Variants in TAFA2 observed in about 807,000 individuals in gnomAD.
The protein encoded by TAFA2 is TAFA chemokine like family member 2.
TAFA2 carries 7 observed loss-of-function variants against 18.8 expected under a neutral mutation model. The ratio of observed to expected loss-of-function variants is 0.37; its 90% CI spans 0.21 to 0.70. The LOEUF is 0.70. TAFA2 is among the 30% of genes least tolerant of loss of function. TAFA2 has a pLI of 0.53. For synonymous variants in TAFA2, 60 were observed against 54.2 expected (o/e 1.11, Z -0.47); for missense variants, 122 against 158.1 (o/e 0.77, Z 1.23).
At chr12:61,850,103 T>C (rs1310761262) in intron 2 of TAFA2, among the ~76,000 whole-genome samples, 1 of 152,090 alleles carries the variant, frequency 6.6e-6, no homozygotes, top group East Asian at 1.9e-4. Context: ...AATCTTACTC[T>C]GTATAAATCA....
In TAFA2 at chr12:62,169,460, G is replaced by A. The variant is rs182199143; in HGVS notation, c.-2+21799C>T. Among the ~76,000 whole-genome samples, 497 of 152,180 alleles carry A rather than the reference G, an allele frequency of 3.3e-3. 3 individuals carry two copies. Among genetic ancestry groups the A allele is most frequent in the African/African-American group, 0.011 (470 of 41,502 alleles). ...GCAGGGTTTTCTGTGCCTTAAATAC[G>A]TATTTAGTAAAAATTTTGTAAGTGT... On this transcript the variant is annotated intron_variant, in intron 1 of 4. Coordinates refer to ENST00000416284, the MANE Select transcript of TAFA2 (RefSeq NM_178539.5).
In TAFA2 at chr12:61,955,615, AAAAAAAAAAAAAAAAAAATATAT is replaced by A. The variant is rs1399280708; in HGVS notation, c.-1-88212_-1-88190del. ...GACTCCATCTCAAAAAAAAAAAAAA[AAAAAAAAAAAAAAAAAAATATAT>A]ATATATATATATATATATATATATA... On this transcript the variant is annotated intron_variant, in intron 1 of 4. Transcript: ENST00000416284. 6.4e-3 allele frequency among the ~76,000 whole-genome samples: 192 copies of A among 30,138 alleles called. 6 individuals carry two copies. The highest frequency in any genetic ancestry group is 0.015 in the African/African-American group (186 of 12,390). 19.8% of individuals were successfully genotyped at this position (30,138 alleles called of 152,430 possible).
chr12:61,723,836 TA>T (rs1307043656), intron 4 of TAFA2, among the ~76,000 whole-genome samples: 2 of 151,834 alleles, frequency 1.3e-5, no homozygotes, highest in Non-Finnish European at 1.5e-5. Flanking sequence ...AGCTATCCCT[TA>T]AAAAAATACA....
At chr12:61,939,139 A>C (rs1033596246) in intron 1 of TAFA2, among the ~76,000 whole-genome samples, 5 of 152,212 alleles carry the variant, frequency 3.3e-5, no homozygotes, top group Admixed American at 3.3e-4. Context: ...TTAAACTGCC[A>C]AAGAATAGTA....
intron 1 of TAFA2, among the ~76,000 whole-genome samples, chr12:62,003,343 G>A (rs990839093): frequency 6.6e-6 from 1 of 152,034 alleles, no homozygotes; most frequent in South Asian, 2.1e-4. Flanking sequence ...ATTCTCATCT[G>A]CTAACTCAAT....
At chr12:62,229,523 AT>A (rs1449512383) in intron 1 of TAFA2, among the ~76,000 whole-genome samples, 1 of 151,908 alleles carries the variant, frequency 6.6e-6, no homozygotes, top group East Asian at 1.9e-4. Flanking sequence ...ATTTTTATTG[AT>A]TTGCATATGT....
chr12:62,031,591 T>A (rs886545216), intron 1 of TAFA2, among the ~76,000 whole-genome samples: 1 of 152,098 alleles, frequency 6.6e-6, no homozygotes, highest in African/African-American at 2.4e-5. Flanking sequence ...AGTTGTCTGT[T>A]TTAGGGTGTA....
chr12:61,763,517 G>A (rs1465326196), intron 2 of TAFA2, among the ~76,000 whole-genome samples: 1 of 151,902 alleles, frequency 6.6e-6, no homozygotes, highest in African/African-American at 2.4e-5. Context: ...TAAGAAAGGT[G>A]TATCTAAAGG....
intron 1 of TAFA2, among the ~76,000 whole-genome samples, chr12:62,211,336 T>G (rs1350820078): frequency 6.6e-6 from 1 of 152,118 alleles, no homozygotes; most frequent in African/African-American, 2.4e-5. Flanking sequence ...TCCCAGCACT[T>G]TGGCAGGCCA....
chr12:62,062,152 T>C (rs534282571), intron 1 of TAFA2, among the ~76,000 whole-genome samples: 1 of 152,168 alleles, frequency 6.6e-6, no homozygotes, highest in East Asian at 1.9e-4. Context: ...CCAGCCTGGA[T>C]GACAGAGCAA....
At chr12:61,927,996 A>C (rs1877380978) in intron 1 of TAFA2, among the ~76,000 whole-genome samples, 1 of 152,234 alleles carries the variant, frequency 6.6e-6, no homozygotes, top group Non-Finnish European at 1.5e-5. Flanking sequence ...CTTATACCTT[A>C]TACAAAAATT....
chr12:62,019,534 G>A (rs1012852932), intron 1 of TAFA2, among the ~76,000 whole-genome samples: 13 of 152,080 alleles, frequency 8.5e-5, no homozygotes, highest in African/African-American at 2.9e-4. Flanking sequence ...CATAGATGAA[G>A]CTGGAAACCA....
chr12:61,741,372 T>C (rs191347656), intron 4 of TAFA2, among the ~76,000 whole-genome samples: 1 of 152,022 alleles, frequency 6.6e-6, no homozygotes, highest in Admixed American at 6.6e-5. Flanking sequence ...CACATATATA[T>C]GTGTATGAAG....
Position 62,138,402 on chromosome 12 carries a change from T to A in TAFA2, c.-2+52857A>T, listed in dbSNP as rs2062215115. On this transcript the variant is annotated intron_variant, in intron 1 of 4. Transcript: ENST00000416284. Reference sequence around the variant, plus strand: ...TCATTTGATATACCTTTAATAGCACTCATATGCTTATGTTCTCCTTCTTGC... The same window carrying A: ...TCATTTGATATACCTTTAATAGCACACATATGCTTATGTTCTCCTTCTTGC... Among the ~76,000 whole-genome samples the A allele has an allele frequency of 1.3e-5, 2 of 152,226 alleles. 1 individual carries two copies. The highest frequency in any genetic ancestry group is 4.1e-4 in the South Asian group (2 of 4,830).
intron 1 of TAFA2, among the ~76,000 whole-genome samples, chr12:62,046,508 T>G (rs961990275): frequency 6.6e-6 from 1 of 152,168 alleles, no homozygotes; most frequent in African/African-American, 2.4e-5. Context: ...TATTATTATG[T>G]CACTGATAAA....
At chr12:61,765,280 A>G (rs925774761) in intron 2 of TAFA2, among the ~76,000 whole-genome samples, 1 of 152,064 alleles carries the variant, frequency 6.6e-6, no homozygotes, top group African/African-American at 2.4e-5. Flanking sequence ...TTGCAGAGCT[A>G]CCATAAACCT....
chr12:61,969,721 C>A (rs1040758412), intron 1 of TAFA2, among the ~76,000 whole-genome samples: 2 of 151,510 alleles, frequency 1.3e-5, no homozygotes, highest in Non-Finnish European at 3.0e-5. Flanking sequence ...TATAATAATA[C>A]AAAAGAAGGA....
chr12:62,006,313 C>T (rs1880548020), intron 1 of TAFA2, among the ~76,000 whole-genome samples: 1 of 152,086 alleles, frequency 6.6e-6, no homozygotes, highest in Non-Finnish European at 1.5e-5. Flanking sequence ...GGTTGTGAAG[C>T]GTGCCCTCTG....
chr12:61,755,135 G>A (rs991021366), intron 2 of TAFA2, 111 bp from the exon 3 acceptor site: 1 of 915,352 alleles, frequency 1.1e-6, no homozygotes, highest in Non-Finnish European at 1.6e-6. Flanking sequence ...GGTCCACCAG[G>A]CATGAAACGA....
Sources: gnomAD v4.1 joint callset for allele counts (sites outside exome capture counted in the v4.1 genomes callset) on GRCh38, gnomAD v4.1.1 for gene constraint, MANE v1.5 for transcripts, NCBI Gene and HGNC (gene_info 2026-07-23, HGNC 2026-07-21) for gene names.